The following SPMIP7 variants were observed in gnomAD, a reference collection of about 807,000 sequenced individuals.
SPMIP7 encodes the protein sperm microtubule inner protein 7.
At chr7:50,121,013 G>C in the SPMIP7 span, among the ~76,000 whole-genome samples, 1 of 152,114 alleles carries the variant, frequency 6.6e-6, no homozygotes, top group Non-Finnish European at 1.5e-5. Flanking sequence ...AGCCATTATA[G>C]TGGCCTCCCT....
the SPMIP7 span, chr7:50,129,879 T>A: frequency 7.4e-6 from 6 of 813,164 alleles, no homozygotes; most frequent in Non-Finnish European, 1.2e-5. Flanking sequence ...TATAATATCC[T>A]GGATCTTATG....
At chr7:50,140,034 G>A in the SPMIP7 span, 1 of 744,806 alleles carries the variant, frequency 1.3e-6, no homozygotes, top group South Asian at 2.0e-5. Context: ...CAATTCCTAT[G>A]AGATATCTGT....
chr7:50,120,795 T>C, the SPMIP7 span, among the ~76,000 whole-genome samples: 1 of 152,198 alleles, frequency 6.6e-6, no homozygotes, highest in Non-Finnish European at 1.5e-5. Context: ...ACTACAAAAA[T>C]AGATATCTCT....
At chr7:50,134,177 A>G in the SPMIP7 span, 1 of 1,551,078 alleles carries the variant, frequency 6.4e-7, no homozygotes, top group Admixed American at 2.0e-5. Flanking sequence ...CAACATTGGA[A>G]AAAACCGCTG....
chr7:50,126,347 T>C, the SPMIP7 span, among the ~76,000 whole-genome samples: 8 of 151,476 alleles, frequency 5.3e-5, no homozygotes, highest in Admixed American at 5.3e-4. Flanking sequence ...TAATACTAAG[T>C]AAAATAGAAT....
the SPMIP7 span, among the ~76,000 whole-genome samples, chr7:50,148,858 G>A: frequency 6.6e-6 from 1 of 152,118 alleles, no homozygotes. Context: ...ATTAAAATAT[G>A]GGGCTGGGCC....
the SPMIP7 span, among the ~76,000 whole-genome samples, chr7:50,126,816 T>C: frequency 6.6e-6 from 1 of 151,850 alleles, no homozygotes; most frequent in African/African-American, 2.4e-5. Flanking sequence ...TTTAAAAATA[T>C]ATAATGAACA....
the SPMIP7 span, among the ~76,000 whole-genome samples, chr7:50,147,481 A>C: frequency 6.6e-6 from 1 of 152,232 alleles, no homozygotes; most frequent in African/African-American, 2.4e-5. Context: ...TTAAACAGTC[A>C]ATTTACATCA....
chr7:50,150,393 C>T, the SPMIP7 span, among the ~76,000 whole-genome samples: 1 of 152,144 alleles, frequency 6.6e-6, no homozygotes, highest in African/African-American at 2.4e-5. Flanking sequence ...CCTTTCCTCC[C>T]TGGGGGCAAG....
At chr7:50,119,931 T>C in the SPMIP7 span, among the ~76,000 whole-genome samples, 3 of 152,194 alleles carry the variant, frequency 2.0e-5, no homozygotes, top group Non-Finnish European at 4.4e-5. Flanking sequence ...AATAAATTAC[T>C]CGCTGAACCT....
At chr7:50,117,242 G>A in the SPMIP7 span, 1 of 455,922 alleles carries the variant, frequency 2.2e-6, no homozygotes, top group Non-Finnish European at 4.4e-6. Context: ...TCAGGCATTA[G>A]GAGTACTTAC....
the SPMIP7 span, among the ~76,000 whole-genome samples, chr7:50,097,361 A>C: frequency 1.8e-4 from 27 of 152,246 alleles, no homozygotes; most frequent in African/African-American, 6.5e-4. Flanking sequence ...TTTAAACATT[A>C]TTCTAAGAAA....
the SPMIP7 span, among the ~76,000 whole-genome samples, chr7:50,113,801 A>G: frequency 2.6e-5 from 4 of 152,258 alleles, no homozygotes; most frequent in Admixed American, 2.0e-4. Flanking sequence ...AAAATTATAA[A>G]TCTGAAGACA....
chr7:50,107,337 T>G, the SPMIP7 span, among the ~76,000 whole-genome samples: 1 of 105,686 alleles, frequency 9.5e-6, no homozygotes, highest in Non-Finnish European at 1.7e-5. Context: ...CGCTCCAATC[T>G]GGATGACAGA....
the SPMIP7 span, chr7:50,151,524 C>A: frequency 6.4e-7 from 1 of 1,551,520 alleles, no homozygotes; most frequent in Non-Finnish European, 8.7e-7. Context: ...AATATTCCAT[C>A]AACAACCCCA....
At chr7:50,151,225 C>T in the SPMIP7 span, among the ~76,000 whole-genome samples, 2 of 152,232 alleles carry the variant, frequency 1.3e-5, no homozygotes, top group Non-Finnish European at 2.9e-5. Flanking sequence ...TAAATTTTAT[C>T]GACCCCAGCA....
chr7:50,140,295 A>C, the SPMIP7 span: 1 of 557,176 alleles, frequency 1.8e-6, no homozygotes, highest in Non-Finnish European at 3.0e-6. Context: ...ATATTGTAAC[A>C]CATTTCTAAT....
chr7:50,110,961 T>C, the SPMIP7 span, among the ~76,000 whole-genome samples: 1 of 141,618 alleles, frequency 7.1e-6, no homozygotes, highest in Non-Finnish European at 1.5e-5. Context: ...ATATTTATAA[T>C]ATGTAAACCA....
At chr7:50,149,303 T>C in the SPMIP7 span, among the ~76,000 whole-genome samples, 15 of 152,346 alleles carry the variant, frequency 9.8e-5, no homozygotes, top group Non-Finnish European at 2.1e-4. Flanking sequence ...GGCCCTTATT[T>C]TGTAAATGTT....
Sources: allele counts gnomAD v4.1 joint callset (sites outside exome capture counted in the v4.1 genomes callset), GRCh38; gene constraint gnomAD v4.1.1; transcripts MANE v1.5; gene names NCBI Gene and HGNC (gene_info 2026-07-23, HGNC 2026-07-21).